Variants in GALNT1 observed in about 807,000 individuals in gnomAD.
The protein encoded by GALNT1 is GalNAc transferase 1.
Under a neutral mutation model 65.7 loss-of-function variants are expected in GALNT1, and 17 were observed. The ratio of observed to expected loss-of-function variants is 0.26; its 90% CI spans 0.18 to 0.39. The LOEUF (loss-of-function observed/expected upper bound fraction) is 0.39, where lower values mean the gene tolerates loss of function less well. Among genes scored for constraint, GALNT1 ranks in the 10% least tolerant of loss-of-function variants. The pLI is 1.00. For synonymous variants in GALNT1, 210 were observed against 219.7 expected, an observed-to-expected ratio of 0.96 and a Z score of 0.39; for missense variants, 460 against 672.8, an observed-to-expected ratio of 0.68 and a Z score of 3.50.
chr18:35,610,123 T>C (rs2046698729), intron 1 of GALNT1, among the ~76,000 whole-genome samples: 1 of 152,166 alleles, frequency 6.6e-6, no homozygotes, highest in Non-Finnish European at 1.5e-5. Flanking sequence ...TGTGCAGACA[T>C]GGAAGCCAGA....
chr18:35,677,792 C>T lies in GALNT1; in HGVS notation c.481+35C>T. 3 of 1,477,662 alleles carry T rather than the reference C, an allele frequency of 2.0e-6. No homozygotes were observed. In the South Asian group the frequency reaches 3.7e-5, roughly 18 times the overall value. 91.5% of individuals were successfully genotyped at this position (1,477,662 alleles called of 1,614,324 possible). A position where few individuals can be genotyped will look rare whatever the true frequency, so the allele number is the denominator to read the frequency against. ...AAATTTTAATGCCAATAATTTGCTA[C>T]ACCTTTTGTCACTAACGGTTAAAAC... On this transcript the variant is annotated intron_variant, in intron 4 of 11. Transcript: ENST00000269195.
At chr18:35,696,070 G>A (rs960079910) in intron 9 of GALNT1, among the ~76,000 whole-genome samples, 2 of 152,174 alleles carry the variant, frequency 1.3e-5, no homozygotes, top group South Asian at 2.1e-4. Context: ...TGGGCAAGTC[G>A]CAGCGTTTAC....
intron 11 of GALNT1, among the ~76,000 whole-genome samples, chr18:35,709,190 C>A (rs904231933): frequency 6.6e-6 from 1 of 152,136 alleles, no homozygotes; most frequent in African/African-American, 2.4e-5. Context: ...AGAAATGAAA[C>A]AATTTTGAAA....
At chr18:35,628,597 T>C (rs2046954734) in intron 1 of GALNT1, among the ~76,000 whole-genome samples, 1 of 152,048 alleles carries the variant, frequency 6.6e-6, no homozygotes, top group African/African-American at 2.4e-5. Flanking sequence ...CAAAGGTAGA[T>C]AAAACCACAA....
chr18:35,671,206 T>G (rs1034418480), intron 3 of GALNT1, among the ~76,000 whole-genome samples: 1 of 152,188 alleles, frequency 6.6e-6, no homozygotes, highest in African/African-American at 2.4e-5. Flanking sequence ...GGACTCTCAC[T>G]CTGTATATAC....
chr18:35,613,169 G>A (rs1290557704), intron 1 of GALNT1, among the ~76,000 whole-genome samples: 2 of 152,092 alleles, frequency 1.3e-5, no homozygotes, highest in Admixed American at 1.3e-4. Context: ...CTACAGAAGT[G>A]CTTTGAATGC....
intron 1 of GALNT1, among the ~76,000 whole-genome samples, chr18:35,587,510 G>T (rs138124213): frequency 1.3e-5 from 2 of 152,120 alleles, no homozygotes; most frequent in African/African-American, 4.8e-5. Context: ...ATCAAGTTAG[G>T]GAAGTTCCTC....
intron 2 of GALNT1, among the ~76,000 whole-genome samples, chr18:35,658,447 T>C (rs1278256103): frequency 2.0e-5 from 3 of 152,072 alleles, no homozygotes; most frequent in Non-Finnish European, 4.4e-5. Context: ...AAGAAATGAT[T>C]AGGGGAAGAG....
chr18:35,709,261 G>A (rs1371695066), intron 11 of GALNT1, among the ~76,000 whole-genome samples: 2 of 151,826 alleles, frequency 1.3e-5, no homozygotes, highest in Admixed American at 6.6e-5. Flanking sequence ...GTCTTTTTTT[G>A]TTGTTTAGGA....
rs145884536 is a variant in GALNT1 at position 35,709,712 on chromosome 18, A to G, written c.1622A>G (p.Asn541Ser). 1.5e-4 allele frequency: 244 copies of G among 1,614,136 alleles called. No homozygotes were observed. Among genetic ancestry groups the G allele is most frequent in the Middle Eastern group, 4.9e-4 (3 of 6,062 alleles). Residue 541 changes from asparagine (N) to serine (S), a missense_variant, in exon 12 of 12, where the codon AAT becomes AGT. Coordinates refer to ENST00000269195, the MANE Select transcript of GALNT1 (RefSeq NM_020474.4). ...CAGGTGCCCAGCATTAGAGACTGCAATGGAAGTCGGTCCCAGCAGTGGCTT... is the reference window on the plus strand; with the variant it reads ...CAGGTGCCCAGCATTAGAGACTGCAGTGGAAGTCGGTCCCAGCAGTGGCTT... ...DSQVPSIRDC[N>S]GSRSQQWLLR...
intron 2 of GALNT1, among the ~76,000 whole-genome samples, 195 bp downstream of exon 2, chr18:35,654,996 GAATTGC>G (rs1262619229): frequency 2.6e-5 from 4 of 152,112 alleles, no homozygotes; most frequent in Non-Finnish European, 5.9e-5. Context: ...ATCATATATA[GAATTGC>G]TGAATTCGAT....
In GALNT1 at chr18:35,674,982, C is replaced by CAAAAAAAA. The variant is rs150477892; in HGVS notation, c.315-2588_315-2581dup. On this transcript the variant is annotated intron_variant, in intron 3 of 11. Coordinates refer to ENST00000269195, the MANE Select transcript of GALNT1 (RefSeq NM_020474.4). The stretch of plus-strand genomic sequence containing the variant: ...TGAGCGACAGAGCGAGACTCCGTCT[C>CAAAAAAAA]AAAAAAAAAAAAAAAAAAAAAAAAA... Among the ~76,000 whole-genome samples, 10 of 30,300 alleles carry CAAAAAAAA rather than the reference C, an allele frequency of 3.3e-4. 1 individual carries two copies. The highest frequency in any genetic ancestry group is 9.8e-4 in the African/African-American group (10 of 10,164). 19.9% of individuals were successfully genotyped at this position (30,300 alleles called of 152,430 possible).
At position 35,709,821 on chromosome 18, in the gene GALNT1, A is replaced by T. The variant is rs2048327113; in HGVS notation, c.*51A>T. 1 of 1,599,274 alleles carries T rather than the reference A, an allele frequency of 6.3e-7. No individual in the cohort carries two copies. Among genetic ancestry groups the T allele is most frequent in the Non-Finnish European group, 8.5e-7 (1 of 1,170,464 alleles). Reference sequence around the variant, plus strand: ...AAATAAGGATTGACTGGGCTACCTCAGCATACATTTCTGCCACATTCTTAA... The same window carrying T: ...AAATAAGGATTGACTGGGCTACCTCTGCATACATTTCTGCCACATTCTTAA... On this transcript the variant is annotated 3_prime_UTR_variant, in exon 12 of 12. Coordinates refer to ENST00000269195, the MANE Select transcript of GALNT1 (RefSeq NM_020474.4).
intron 1 of GALNT1, among the ~76,000 whole-genome samples, chr18:35,649,457 T>C (rs2047281618): frequency 6.6e-6 from 1 of 152,224 alleles, no homozygotes; most frequent in Non-Finnish European, 1.5e-5. Context: ...CTATCAGATA[T>C]GTGACTTATA....
At position 35,600,782 on chromosome 18, in the gene GALNT1, G is replaced by A. The variant is rs60128387; in HGVS notation, c.-104+18920G>A. Among the ~76,000 whole-genome samples the A allele has an allele frequency of 3.2e-3, 480 of 152,250 alleles. 6 individuals carry two copies. The highest frequency in any genetic ancestry group is 0.011 in the African/African-American group (448 of 41,554). ...TGAGCTATTCTTGCATCACTGGGAA[G>A]AATCTCACTTGATCGTGGTGAATGA... On this transcript the variant is annotated intron_variant, in intron 1 of 11. Coordinates refer to ENST00000269195, the MANE Select transcript of GALNT1 (RefSeq NM_020474.4).
chr18:35,687,673 A>G (rs563510447), intron 6 of GALNT1, among the ~76,000 whole-genome samples: 2 of 152,344 alleles, frequency 1.3e-5, no homozygotes, highest in African/African-American at 4.8e-5. Flanking sequence ...GACACAAAAT[A>G]TAAAAAAATT....
At position 35,654,925 on chromosome 18, in the gene GALNT1, A is replaced by G. The variant is rs974397442; in HGVS notation, c.139+124A>G. The stretch of plus-strand genomic sequence containing the variant: ...TGTAGTCTGTGACTTCCTGTGGGAG[A>G]TATGAGGATCATATTGATAGTTCTC... On this transcript the variant is annotated intron_variant, in intron 2 of 11. Transcript: ENST00000269195. 2.2e-5 allele frequency: 14 copies of G among 629,414 alleles called. No individual in the cohort carries two copies. The African/African-American group carries it at 2.7e-4, about 12-fold the overall frequency. 39.0% of individuals were successfully genotyped at this position (629,414 alleles called of 1,614,324 possible).
rs186323289 is a variant in GALNT1, at chr18:35,668,968, G to A, written c.314+5166G>A. Among the ~76,000 whole-genome samples the A allele has an allele frequency of 2.7e-4, 41 of 152,274 alleles. No homozygotes were observed. In the East Asian group the frequency reaches 7.1e-3, roughly 26 times the overall value. On this transcript the variant is annotated intron_variant, in intron 3 of 11. Transcript: ENST00000269195. ...TTAAAAGCATTACACACAGCCGGGC[G>A]CACTGACTCACGCCTGTAATCCCAG...
intron 1 of GALNT1, among the ~76,000 whole-genome samples, chr18:35,631,590 A>G (rs1049576412): frequency 6.6e-6 from 1 of 152,218 alleles, no homozygotes; most frequent in African/African-American, 2.4e-5. Context: ...ACAAACCCAC[A>G]GCCAATATCA....
Sources: gnomAD v4.1 joint callset for allele counts (sites outside exome capture counted in the v4.1 genomes callset) on GRCh38, gnomAD v4.1.1 for gene constraint, MANE v1.5 for transcripts, NCBI Gene and HGNC (gene_info 2026-07-23, HGNC 2026-07-21) for gene names.